The following ADGRE5 variants were observed in gnomAD, a reference collection of about 807,000 sequenced individuals.
ADGRE5 encodes the protein adhesion G protein-coupled receptor E5.
ADGRE5 carries 72 observed loss-of-function variants against 100.3 expected under a neutral mutation model. The observed-to-expected ratio is 0.72, with a 90% CI of 0.59 to 0.87. The LOEUF is 0.87. Among genes scored for constraint, ADGRE5 ranks in the 40% least tolerant of loss-of-function variants. The pLI, the probability that ADGRE5 is intolerant of heterozygous loss-of-function variation, is 0.00. For synonymous variants in ADGRE5, 439 were observed against 447.8 expected, an observed-to-expected ratio of 0.98 and a Z score of 0.25; for missense variants, 959 against 1,094.7, an observed-to-expected ratio of 0.88 and a Z score of 1.75.
chr19:14,395,820 C>T (rs3786657), intron 4 of ADGRE5, among the ~76,000 whole-genome samples: 61,419 of 152,084 alleles, frequency 0.4, 13,428 homozygotes, highest in South Asian at 0.66. Context: ...CCCTGCATCG[C>T]GGGGGCACTG....
chr19:14,403,384 ACT>A (rs1338916730), intron 12 of ADGRE5, among the ~76,000 whole-genome samples: 11 of 151,468 alleles, frequency 7.3e-5, no homozygotes, highest in African/African-American at 2.7e-4. Context: ...GGAGGGTCTC[ACT>A]CTGTGGCCCA....
rs189762995 is a variant in ADGRE5, at chr19:14,389,499, G to A, written c.190+681G>A. On this transcript the variant is annotated intron_variant, in intron 3 of 19. Transcript: ENST00000242786. ...TGTAATCCCAGCACTTCAGGAGGCC[G>A]AGGTGGACAGATCACTTGAGGTTGG... Among the ~76,000 whole-genome samples, 787 of 149,820 alleles carry A rather than the reference G, an allele frequency of 5.3e-3. 12 individuals carry two copies. Among genetic ancestry groups the A allele is most frequent in the African/African-American group, 0.018 (731 of 40,794 alleles).
At chr19:14,393,010 GC>G (rs1205210738) in intron 4 of ADGRE5, among the ~76,000 whole-genome samples, 3 of 152,196 alleles carry the variant, frequency 2.0e-5, no homozygotes, top group Admixed American at 1.3e-4. Context: ...GACCATCCTG[GC>G]TAACACAGTG....
rs777293984 is a variant in ADGRE5, at chr19:14,401,388, T to C, written c.900T>C (p.Asn300=). 3.7e-6 allele frequency: 6 copies of C among 1,613,890 alleles called. No homozygotes were observed. The East Asian group carries it at 1.3e-4, about 36-fold the overall frequency. ...KTSSAEVTIQ[N]VIKLVDELME... is the part of the protein sequence containing the mutation. ...TTCTGTCACCCGCCACCCCCTAGAA[T>C]GTCATCAAATTGGTGGATGAACTGA... The change falls in exon 10 of 20, where the codon AAT becomes AAC. Residue 300 remains asparagine, a splice_region_variant and synonymous_variant. Transcript: ENST00000242786. The surrounding 1 kb of genome is among the most constrained non-coding windows in gnomAD (Gnocchi z 4.1).
At chr19:14,393,306 G>T (rs1320133414) in intron 4 of ADGRE5, among the ~76,000 whole-genome samples, 1 of 152,042 alleles carries the variant, frequency 6.6e-6, no homozygotes, top group Non-Finnish European at 1.5e-5. Flanking sequence ...GCGCCCCCAG[G>T]ATGGGTATCC....
In ADGRE5 at chr19:14,407,128, A is replaced by C. The variant is rs1362817127; in HGVS notation, c.2275A>C (p.Ile759Leu). The change falls in exon 18 of 20, where the codon ATC becomes CTC. Residue 759 changes from isoleucine to leucine, a missense_variant. Physicochemically the swap from Ile to Leu is conservative, Grantham distance 5. Around this residue, in one of 6 missense-constraint regions of ADGRE5, gnomAD observed 428 missense variants for 386.2 expected, o/e 1.11. Transcript: ENST00000242786. Reference protein sequence around the residue: ...LGCTWVFGLFIFDDRSLVLTY... With the variant: ...LGCTWVFGLFLFDDRSLVLTY... ...CTGCACCTGGGTCTTTGGCCTGTTC[A>C]TCTTCGACGATCGGAGCTTGGTGCT... 1 of 1,614,012 alleles carries C rather than the reference A, an allele frequency of 6.2e-7. No homozygotes were observed. The highest frequency in any genetic ancestry group is 8.5e-7 in the Non-Finnish European group (1 of 1,180,060).
chr19:14,399,563 CAAAAAAAAAAAAAAAAA>C (rs764605166), intron 9 of ADGRE5, among the ~76,000 whole-genome samples: 8 of 31,828 alleles, frequency 2.5e-4, no homozygotes, highest in South Asian at 2.0e-3. Context: ...GACTCCGTCT[CAAAAAAAAAAAAAAAAA>C]AAAAAAAAAA....
rs1976352720 is a variant in ADGRE5 at position 14,408,017 on chromosome 19, G to A, written c.2478+8G>A. On this transcript the variant is annotated splice_region_variant and intron_variant, in intron 19 of 19. Transcript: ENST00000242786. The stretch of plus-strand genomic sequence containing the variant: ...GGCCACAATCAGACCCGGGTAAGGG[G>A]CTGCGCCTGGGGCGGGTGTGGGCAG... 2.5e-6 allele frequency: 4 copies of A among 1,614,118 alleles called. No individual in the cohort carries two copies. The highest frequency in any genetic ancestry group is 3.4e-6 in the Non-Finnish European group (4 of 1,179,964).
At chr19:14,399,115 G>A (rs532081899) in intron 9 of ADGRE5, among the ~76,000 whole-genome samples, 60 of 151,678 alleles carry the variant, frequency 4.0e-4, no homozygotes, top group Admixed American at 2.0e-4. Context: ...CCAACATGCT[G>A]GGATCACAGG....
At chr19:14,393,125 C>CATTCT (rs1975657486) in intron 4 of ADGRE5, among the ~76,000 whole-genome samples, 2 of 151,084 alleles carry the variant, frequency 1.3e-5, no homozygotes, top group Admixed American at 1.3e-4. Flanking sequence ...GGCGTGAACC[C>CATTCT]GGGAGGCGGA....
intron 6 of ADGRE5, 70 bp downstream of exon 6, chr19:14,397,293 C>A (rs1975817103): frequency 1.2e-5 from 19 of 1,606,102 alleles, no homozygotes; most frequent in Non-Finnish European, 1.6e-5. Flanking sequence ...GGCGCCCACA[C>A]AAACCAAGCA....
In ADGRE5 at chr19:14,406,812, C is replaced by G; in HGVS notation, c.2115+46C>G. On this transcript the variant is annotated intron_variant, in intron 16 of 19. Coordinates refer to ENST00000242786, the MANE Select transcript of ADGRE5 (RefSeq NM_078481.4). The surrounding 1 kb of genome is among the most constrained non-coding windows in gnomAD (Gnocchi z 6.0). ...CACCGAAGCCCGAGCGCCACAGGCC[C>G]AGGCCCGGCTGGACCATCGCTCTCG... 2 of 1,611,928 alleles carry G rather than the reference C, an allele frequency of 1.2e-6. No homozygotes were observed. The highest frequency in any genetic ancestry group is 1.7e-6 in the Non-Finnish European group (2 of 1,177,936).
chr19:14,386,251 C>T (rs546071961), intron 1 of ADGRE5, among the ~76,000 whole-genome samples: 3 of 150,810 alleles, frequency 2.0e-5, no homozygotes, highest in African/African-American at 7.3e-5. Context: ...TGGTGGTGGG[C>T]GCCAGTAGTT....
intron 9 of ADGRE5, among the ~76,000 whole-genome samples, chr19:14,400,195 A>AT (rs1975954479): frequency 1.3e-5 from 2 of 151,534 alleles, no homozygotes; most frequent in Admixed American, 1.3e-4. Flanking sequence ...AATTTTTTGC[A>AT]TTTTTTAGTA....
chr19:14,398,134 A>G lies in ADGRE5; in HGVS notation c.892A>G (p.Ile298Val), dbSNP rs1975855875. 1.2e-6 allele frequency: 2 copies of G among 1,614,008 alleles called. No homozygotes were observed. Among genetic ancestry groups the G allele is most frequent in the Non-Finnish European group, 1.7e-6 (2 of 1,179,976 alleles). ...CAAGACAAGCTCAGCCGAGGTCACCATCCAGGTAAGGGCAGGATGCTGGGG... is the reference window on the plus strand; with the variant it reads ...CAAGACAAGCTCAGCCGAGGTCACCGTCCAGGTAAGGGCAGGATGCTGGGG... ...DSKTSSAEVT[I>V]QNVIKLVDEL... The change falls in exon 9 of 20, where the codon ATC becomes GTC. Residue 298 changes from isoleucine to valine, a missense_variant. Physicochemically the swap from Ile to Val is conservative, Grantham distance 29. Around this residue, in one of 6 missense-constraint regions of ADGRE5, gnomAD observed 69 missense variants for 135.0 expected, o/e 0.51. Coordinates refer to ENST00000242786, the MANE Select transcript of ADGRE5 (RefSeq NM_078481.4).
chr19:14,388,718 C>A lies in ADGRE5; in HGVS notation c.90C>A (p.Cys30Ter). Residue 30 changes from cysteine to a stop codon, truncating the protein, a stop_gained, in exon 3 of 20, where the codon TGC becomes TGA. Transcript: ENST00000242786. LOFTEE classifies it high-confidence loss of function. ...TQDSRGCARW[C>*]PQNSSCVNAT... ...CTCTTGCAGGCTGTGCCCGGTGGTG[C>A]CCTCAGAACTCCTCGTGTGTCAATG... 6.2e-7 allele frequency: 1 copy of A among 1,613,820 alleles called. No homozygotes were observed. Among genetic ancestry groups the A allele is most frequent in the Non-Finnish European group, 8.5e-7 (1 of 1,179,994 alleles).
At chr19:14,392,938 A>G (rs1290824957) in intron 4 of ADGRE5, among the ~76,000 whole-genome samples, 2 of 150,266 alleles carry the variant, frequency 1.3e-5, no homozygotes, top group African/African-American at 4.9e-5. Context: ...GCGATGGCTC[A>G]TGCCTGTAAT....
chr19:14,401,689 A>C lies in ADGRE5; in HGVS notation c.1112A>C (p.Asn371Thr). The C allele has an allele frequency of 6.3e-7, 1 of 1,592,290 alleles. No homozygotes were observed. The highest frequency in any genetic ancestry group is 8.5e-7 in the Non-Finnish European group (1 of 1,169,764). The change falls in exon 11 of 20, where the codon AAC becomes ACC. Residue 371 changes from asparagine to threonine, a missense_variant. Coordinates refer to ENST00000242786, the MANE Select transcript of ADGRE5 (RefSeq NM_078481.4). The surrounding 1 kb of genome is among the most constrained non-coding windows in gnomAD (Gnocchi z 4.1). The part of the protein sequence containing the change: ...TLMIQERGDK[N>T]VTMGQSSARM... ...ATGATCCAGGAGCGGGGGGACAAGA[A>C]CGTCACTATGGGTCAGAGCAGCGCA...
At chr19:14,397,981 C>T (rs970101731) in intron 8 of ADGRE5, 46 bp downstream of exon 8, 13 of 1,486,936 alleles carry the variant, frequency 8.7e-6, no homozygotes, top group Admixed American at 1.7e-5. Flanking sequence ...TCCATCCACA[C>T]AGCACTGCAT....
Sources: allele counts gnomAD v4.1 joint callset (sites outside exome capture counted in the v4.1 genomes callset), GRCh38; gene constraint gnomAD v4.1.1; regional missense constraint gnomAD v4.1.1; non-coding constraint Gnocchi (gnomAD v3.1); transcripts MANE v1.5; gene names NCBI Gene and HGNC (gene_info 2026-07-23, HGNC 2026-07-21).